Variants in ARMCX4 observed in about 807,000 individuals in gnomAD.
ARMCX4 encodes armadillo repeat-containing X-linked protein 4.
ARMCX4 carries 3 observed loss-of-function variants against 34.7 expected under a neutral mutation model. That is an observed-to-expected ratio of 0.09 (90% CI 0.04 to 0.22). ARMCX4 has a LOEUF of 0.22. ARMCX4 is among the 10% of genes least tolerant of loss of function. The pLI is 1.00. For missense variants in ARMCX4, 1,448 were observed against 1,720.8 expected (o/e 0.84, Z 2.81); for synonymous variants, 513 against 632.8 (o/e 0.81, Z 2.84).
At position 101,491,411 on chromosome X, in the gene ARMCX4, G is replaced by A. The variant is rs1470600259; in HGVS notation, c.2822G>A (p.Gly941Glu). ...AATGCTATTTCTAAGGCAGAGGCTG[G>A]GGCAGGCATAATGGGCTCTGTCCAG... ...NSNAISKAEAGAGIMGSVQVQ... is the reference protein window; with the variant it reads ...NSNAISKAEAEAGIMGSVQVQ... Residue 941 changes from glycine to glutamate, a missense_variant, in exon 6 of 6, where the codon GGG (glycine) becomes GAG (glutamate). Gly to Glu is a moderately conservative substitution (Grantham distance 98). Around this residue, in one of 2 missense-constraint regions of ARMCX4, gnomAD observed 1,343 missense variants for 1,540.7 expected, o/e 0.87. Transcript: ENST00000423738. 1 of 1,156,383 alleles carries A rather than the reference G, an allele frequency of 8.6e-7. No individual in the cohort carries two copies. The highest frequency in any genetic ancestry group is 1.8e-5 in the African/African-American group (1 of 56,460).
At chrX:101,515,882 ATCCGTGTTC>A (rs1240796283) in intron 11 of ARMCX4, among the ~76,000 whole-genome samples, 10 of 110,777 alleles carry the variant, frequency 9.0e-5, no homozygotes, top group Non-Finnish European at 1.7e-4. Context: ...GCCATTGACT[ATCCGTGTTC>A]TCTTTACCAC....
chrX:101,424,341 C>A (rs1009973222), intron 2 of ARMCX4, among the ~76,000 whole-genome samples: 1 of 111,313 alleles, frequency 9.0e-6, no homozygotes, highest in Middle Eastern at 4.2e-3. Context: ...TTGTAATATC[C>A]TTTATAATAA....
downstream of ARMCX4, chrX:101,498,113 C>T (rs1002164356): frequency 3.0e-6 from 1 of 328,840 alleles, no homozygotes. Context: ...CTCCCTCTGT[C>T]CAATCCTGCT....
chrX:101,429,707 C>T (rs781808186), intron 2 of ARMCX4, among the ~76,000 whole-genome samples: 2 of 111,272 alleles, frequency 1.8e-5, no homozygotes, highest in South Asian at 3.8e-4. Context: ...CACTTAATTT[C>T]GGATGGCTTT....
At position 101,491,917 on chromosome X, in the gene ARMCX4, C is replaced by T. The variant is rs1169666026; in HGVS notation, c.3328C>T (p.Arg1110Trp). The stretch of plus-strand genomic sequence containing the variant: ...TGTTGAAGACTGGATTGCTGCTGAG[C>T]GGTGGATCAAATTTAGGTTTCAGAC... ...IGVEDWIAAE[R>W]WIKFRFQTMD... Residue 1110 changes from arginine (R) to tryptophan (W), a missense_variant, in exon 6 of 6, where the codon CGG becomes TGG. Physicochemically the swap from Arg to Trp is moderately radical, Grantham distance 101. Around this residue, in one of 2 missense-constraint regions of ARMCX4, gnomAD observed 1,343 missense variants for 1,540.7 expected, o/e 0.87. Coordinates refer to ENST00000423738, the MANE Select transcript of ARMCX4 (RefSeq NM_001256155.3). 5 of 1,154,721 alleles carry T rather than the reference C, an allele frequency of 4.3e-6. No individual in the cohort carries two copies. Among genetic ancestry groups the T allele is most frequent in the East Asian group, 6.5e-5 (2 of 30,735 alleles).
chrX:101,446,249 G>C (rs1931618197), downstream of ARMCX4: 1 of 110,246 alleles, frequency 9.1e-6, no homozygotes, highest in African/African-American at 3.3e-5. Context: ...GGTTTTTTTT[G>C]AGCAGATTTT....
intron 11 of ARMCX4, among the ~76,000 whole-genome samples, chrX:101,530,160 A>G (rs1403884636): frequency 3.6e-5 from 4 of 112,270 alleles, no homozygotes; most frequent in African/African-American, 1.3e-4. Context: ...AGCCATAAAA[A>G]AGGATTAGTT....
intron 4 of ARMCX4, among the ~76,000 whole-genome samples, chrX:101,462,018 C>G (rs2147607817): frequency 9.0e-6 from 1 of 111,716 alleles, no homozygotes; most frequent in Non-Finnish European, 1.9e-5. Context: ...ACTGAAAGAG[C>G]AATATTTATG....
chrX:101,451,380 C>T (rs1243098761), downstream of ARMCX4, among the ~76,000 whole-genome samples: 1 of 111,628 alleles, frequency 9.0e-6, no homozygotes, highest in Non-Finnish European at 1.9e-5. Context: ...CTCATGATCA[C>T]TGCATTCTCC....
chrX:101,472,814 A>C (rs1344730592), intron 4 of ARMCX4, among the ~76,000 whole-genome samples: 1 of 91,079 alleles, frequency 1.1e-5, no homozygotes, highest in East Asian at 3.6e-4. Flanking sequence ...GAAGCGCTAA[A>C]CATGGAAAGG....
At position 101,490,554 on chromosome X, in the gene ARMCX4, G is replaced by A. The variant is rs1556008495; in HGVS notation, c.1965G>A (p.Val655=). ...AAGTTAAGGGTAATCCCAATGTTGT[G>A]CTTAAGGCAGAAGTTGGGGAAGGTG... The part of the protein sequence containing the change: ...KNKVKGNPNV[V]LKAEVGEGAM... The change falls in exon 6 of 6, where the codon GTG becomes GTA. Residue 655 remains valine, a synonymous_variant. Transcript: ENST00000423738. The A allele has an allele frequency of 2.6e-6, 3 of 1,156,288 alleles. No individual in the cohort carries two copies.
chrX:101,534,441 T>G (rs1328522728), downstream of ARMCX4, among the ~76,000 whole-genome samples: 5 of 110,423 alleles, frequency 4.5e-5, no homozygotes, highest in African/African-American at 1.6e-4. Flanking sequence ...AAAAGATGAG[T>G]TATGAGAGAC....
intron 2 of ARMCX4, among the ~76,000 whole-genome samples, chrX:101,442,673 G>A (rs1489512410): frequency 9.0e-6 from 1 of 110,881 alleles, no homozygotes; most frequent in African/African-American, 3.3e-5. Flanking sequence ...TGTTGGGAGG[G>A]CCCATCAGAG....
chrX:101,463,639 G>A (rs1932715479), intron 4 of ARMCX4, among the ~76,000 whole-genome samples: 1 of 112,139 alleles, frequency 8.9e-6, no homozygotes, highest in South Asian at 3.7e-4. Flanking sequence ...AGACCCAGTG[G>A]TAGCTTGGTA....
Position 101,490,199 on chromosome X carries a change from A to G in ARMCX4, c.1610A>G (p.Lys537Arg), listed in dbSNP as rs1402193282. 1.7e-6 allele frequency: 2 copies of G among 1,155,844 alleles called. No individual in the cohort carries two copies. Among genetic ancestry groups the G allele is most frequent in the African/African-American group, 3.6e-5 (2 of 56,314 alleles). The change falls in exon 6 of 6, where the codon AAG becomes AGG. Residue 537 changes from lysine to arginine, a missense_variant. Physicochemically the swap from Lys to Arg is conservative, Grantham distance 26 (BLOSUM62 2). This residue lies in a region of ARMCX4 where 1,343 missense variants were observed against 1,540.7 expected (regional missense o/e 0.87). Coordinates refer to ENST00000423738, the MANE Select transcript of ARMCX4 (RefSeq NM_001256155.3). ...AGGGGCAAAGCCAAAGCCAAGTGTAAGACAGGGCCTGGGATGGACATGAAA... is the reference window on the plus strand; with the variant it reads ...AGGGGCAAAGCCAAAGCCAAGTGTAGGACAGGGCCTGGGATGGACATGAAA... Reference protein sequence around the residue: ...KARGKAKAKCKTGPGMDMKTC... With the variant: ...KARGKAKAKCRTGPGMDMKTC...
chrX:101,497,171 G>A (rs1316006602), downstream of ARMCX4, among the ~76,000 whole-genome samples: 1 of 111,692 alleles, frequency 9.0e-6, no homozygotes, highest in Non-Finnish European at 1.9e-5. Flanking sequence ...TACATACTCT[G>A]AGAATATTAA....
chrX:101,533,451 T>C (rs1206850558), exon 13 of ARMCX4: 1 of 111,416 alleles, frequency 9.0e-6, no homozygotes, highest in East Asian at 2.8e-4. Context: ...TAAAGTCCCT[T>C]GAACCATCTG....
upstream of ARMCX4, among the ~76,000 whole-genome samples, chrX:101,484,364 C>T (rs1556006016): frequency 8.9e-6 from 1 of 112,032 alleles, no homozygotes; most frequent in African/African-American, 3.2e-5. Context: ...GTTGGTTGTT[C>T]CATGGGTGTG....
chrX:101,493,007 G>A lies in ARMCX4; in HGVS notation c.4418G>A (p.Gly1473Glu), dbSNP rs1556010150. 6.1e-6 allele frequency: 7 copies of A among 1,154,439 alleles called. No individual in the cohort carries two copies. The South Asian group carries it at 1.1e-4, about 19-fold the overall frequency. ...PIFEDQVSGRGSWADAREQVV... is the reference protein window; with the variant it reads ...PIFEDQVSGRESWADAREQVV... Reference sequence around the variant, plus strand: ...TTTGAGGATCAGGTCAGTGGCAGAGGGTCCTGGGCTGATGCCAGGGAGCAG... The same window carrying A: ...TTTGAGGATCAGGTCAGTGGCAGAGAGTCCTGGGCTGATGCCAGGGAGCAG... Residue 1473 changes from glycine to glutamate, a missense_variant, in exon 6 of 6, where the codon GGG becomes GAG. Physicochemically the swap from Gly to Glu is moderately conservative, Grantham distance 98 (BLOSUM62 -2). This residue lies in a region of ARMCX4 where 1,343 missense variants were observed against 1,540.7 expected (regional missense o/e 0.87). Transcript: ENST00000423738.
Sources: allele counts gnomAD v4.1 joint callset (sites outside exome capture counted in the v4.1 genomes callset), GRCh38; gene constraint gnomAD v4.1.1; regional missense constraint gnomAD v4.1.1; transcripts MANE v1.5; gene names NCBI Gene and HGNC (gene_info 2026-07-23, HGNC 2026-07-21).